CATSPERE: variants seen among roughly 807,000 people sequenced by gnomAD.
The protein encoded by CATSPERE is cation channel sperm-associated auxiliary subunit epsilon.
CATSPERE carries 93 observed loss-of-function variants against 114.1 expected under a neutral mutation model. The ratio of observed to expected loss-of-function variants is 0.81; its 90% CI spans 0.69 to 0.97. The LOEUF is 0.97. Ranked by LOEUF, CATSPERE falls within the 50% of genes least tolerant of loss-of-function variation. The pLI, the probability that CATSPERE is intolerant of heterozygous loss-of-function variation, is 0.00. For synonymous variants in CATSPERE, 341 were observed against 384.1 expected, an observed-to-expected ratio of 0.89 and a Z score of 1.31; for missense variants, 1,058 against 1,131.6, an observed-to-expected ratio of 0.93 and a Z score of 0.93.
intron 1 of CATSPERE, among the ~76,000 whole-genome samples, chr1:244,456,006 C>T (rs1358396788): frequency 3.3e-5 from 5 of 152,054 alleles, no homozygotes; most frequent in South Asian, 2.1e-4. Flanking sequence ...ATAGTAGTTA[C>T]GGAGGCATAC....
intron 10 of CATSPERE, among the ~76,000 whole-genome samples, chr1:244,563,407 C>T (rs947824377): frequency 1.3e-5 from 2 of 152,170 alleles, no homozygotes; most frequent in Non-Finnish European, 2.9e-5. Context: ...CCTATTTCTC[C>T]ACGTCCTCTC....
intron 8 of CATSPERE, among the ~76,000 whole-genome samples, chr1:244,525,219 C>G (rs1678341884): frequency 6.6e-6 from 1 of 150,388 alleles, no homozygotes; most frequent in Admixed American, 6.6e-5. Flanking sequence ...AATCATCATT[C>G]TCAGTAAACT....
intron 20 of CATSPERE, among the ~76,000 whole-genome samples, chr1:244,622,871 C>T (rs539158577): frequency 1.3e-5 from 2 of 152,260 alleles, no homozygotes; most frequent in East Asian, 3.9e-4. Flanking sequence ...TAATCATCCA[C>T]ACCAGAGCAC....
intron 18 of CATSPERE, among the ~76,000 whole-genome samples, chr1:244,609,419 T>G (rs1284171541): frequency 6.6e-6 from 1 of 151,628 alleles, no homozygotes; most frequent in Admixed American, 6.6e-5. Flanking sequence ...GGCGTGATCT[T>G]GGCGCACTGC....
chr1:244,612,949 G>A (rs1670932971), intron 19 of CATSPERE, among the ~76,000 whole-genome samples: 1 of 152,168 alleles, frequency 6.6e-6, no homozygotes, highest in Admixed American at 6.5e-5. Context: ...GGGAATATCA[G>A]GCAGTGATAT....
At chr1:244,594,320 A>C (rs545525355) in intron 17 of CATSPERE, among the ~76,000 whole-genome samples, 8 of 152,348 alleles carry the variant, frequency 5.3e-5, no homozygotes, top group Admixed American at 1.3e-4. Flanking sequence ...ACCTTGTCTC[A>C]AAAAACAAAA....
chr1:244,566,611 TTTAAAGTCTG>T (rs1375457292), intron 10 of CATSPERE, among the ~76,000 whole-genome samples: 3 of 149,952 alleles, frequency 2.0e-5, no homozygotes, highest in African/African-American at 7.3e-5. Context: ...TCTTTGCTGG[TTTAAAGTCTG>T]TTTTATCAGA....
intron 14 of CATSPERE, 84 bp from the exon 15 acceptor site, chr1:244,591,597 A>G: frequency 1.3e-6 from 1 of 754,578 alleles, no homozygotes; most frequent in East Asian, 2.9e-5. Context: ...CTCCTGTTTG[A>G]GAATCACTGA....
chr1:244,474,127 G>A (rs561124425), intron 2 of CATSPERE, among the ~76,000 whole-genome samples: 1 of 151,954 alleles, frequency 6.6e-6, no homozygotes, highest in Non-Finnish European at 1.5e-5. Flanking sequence ...CGACTCCCAG[G>A]TTCAAGCAAT....
At position 244,572,545 on chromosome 1, in the gene CATSPERE, A is replaced by G. The variant is rs764243299; in HGVS notation, c.1723A>G (p.Ile575Val). 5.0e-6 allele frequency: 8 copies of G among 1,613,962 alleles called. No homozygotes were observed. The African/African-American group carries it at 8.0e-5, about 16-fold the overall frequency. ...TCCCTTACATCTGGAAGCACAAAGT[A>G]TAGCTTTCACAACAAAAGACAAATG... ...DYPLHLEAQS[I>V]AFTTKDKCPY... is the part of the protein sequence containing the mutation. The change falls in exon 11 of 22, where the codon ATA becomes GTA. Residue 575 changes from isoleucine to valine, a missense_variant. By Grantham distance (29) the Ile-to-Val change is conservative. Transcript: ENST00000366534.
chr1:244,599,594 C>T (rs1048383909), intron 17 of CATSPERE, among the ~76,000 whole-genome samples: 1 of 152,188 alleles, frequency 6.6e-6, no homozygotes, highest in Non-Finnish European at 1.5e-5. Context: ...AAGGGTAAAA[C>T]CTTGAAAACA....
chr1:244,571,022 A>T (rs1192526340), intron 10 of CATSPERE, among the ~76,000 whole-genome samples: 4 of 152,236 alleles, frequency 2.6e-5, no homozygotes, highest in African/African-American at 9.6e-5. Flanking sequence ...CTTGGACATT[A>T]TATATAATCC....
chr1:244,593,197 G>A (rs1281251377), intron 15 of CATSPERE, among the ~76,000 whole-genome samples, 198 bp from the exon 16 acceptor site: 2 of 152,218 alleles, frequency 1.3e-5, no homozygotes, highest in Non-Finnish European at 2.9e-5. Context: ...TCTACAAAGA[G>A]AGGACAGTAA....
intron 8 of CATSPERE, among the ~76,000 whole-genome samples, chr1:244,528,114 C>A (rs905681942): frequency 6.6e-6 from 1 of 152,188 alleles, no homozygotes; most frequent in East Asian, 1.9e-4. Context: ...TTTCCCCATT[C>A]CCCCCAACCA....
At chr1:244,490,880 G>T (rs1173393866) in intron 6 of CATSPERE, among the ~76,000 whole-genome samples, 1 of 151,400 alleles carries the variant, frequency 6.6e-6, no homozygotes, top group Admixed American at 6.6e-5. Flanking sequence ...ATTTACCATA[G>T]TCTTGAAAAA....
Position 244,552,606 on chromosome 1 carries a change from T to G in CATSPERE, c.821T>G (p.Val274Gly). The change falls in exon 9 of 22, where the codon GTG becomes GGG. Residue 274 changes from valine to glycine, a missense_variant. Around this residue, in one of 2 missense-constraint regions of CATSPERE, gnomAD observed 787 missense variants for 905.6 expected, o/e 0.87. Transcript: ENST00000366534. ...TTCAAATCTTGGACCAGAATCAGAG[T>G]GCCTCCAGACATTCTGAGTGATGAT... The part of the protein sequence containing the change: ...DSFKSWTRIR[V>G]PPDILSDDER... 1 of 1,614,156 alleles carries G rather than the reference T, an allele frequency of 6.2e-7. No individual in the cohort carries two copies. Among genetic ancestry groups the G allele is most frequent in the South Asian group, 1.1e-5 (1 of 91,086 alleles).
upstream of CATSPERE, among the ~76,000 whole-genome samples, chr1:244,458,896 TA>T (rs1666393533): frequency 6.6e-6 from 1 of 152,142 alleles, no homozygotes; most frequent in Admixed American, 6.5e-5. Flanking sequence ...TAGAGCCAAT[TA>T]AAGCCCATTG....
chr1:244,551,276 C>T (rs1197732543), intron 8 of CATSPERE, among the ~76,000 whole-genome samples: 2 of 152,096 alleles, frequency 1.3e-5, no homozygotes, highest in Non-Finnish European at 2.9e-5. Context: ...CTGTAAATGG[C>T]GGCTAAGAGA....
chr1:244,541,924 G>T (rs1458227676), intron 8 of CATSPERE, among the ~76,000 whole-genome samples: 6 of 137,928 alleles, frequency 4.4e-5, no homozygotes, highest in Admixed American at 7.4e-5. Flanking sequence ...ACCAAACACC[G>T]CATATTCTCA....
Sources: allele counts gnomAD v4.1 joint callset (sites outside exome capture counted in the v4.1 genomes callset), GRCh38; gene constraint gnomAD v4.1.1; regional missense constraint gnomAD v4.1.1; transcripts MANE v1.5; gene names NCBI Gene and HGNC (gene_info 2026-07-23, HGNC 2026-07-21).